The following PEAK1 variants were observed in gnomAD, a reference collection of about 807,000 sequenced individuals.
The protein encoded by PEAK1 is inactive tyrosine-protein kinase PEAK1.
A neutral mutation model predicts 124.7 loss-of-function variants in PEAK1; 54 were observed. The observed-to-expected ratio is 0.43, with a 90% CI of 0.35 to 0.54. The LOEUF is 0.54. PEAK1 is among the 20% of genes least tolerant of loss of function. The pLI, the probability that PEAK1 is intolerant of heterozygous loss-of-function variation, is 0.01. For synonymous variants in PEAK1, 719 were observed against 760.0 expected (o/e 0.95, Z 0.89); for missense variants, 2,046 against 2,134.5 (o/e 0.96, Z 0.82).
Position 77,174,999 on chromosome 15 carries a change from G to C in PEAK1, c.3137+3791C>G, listed in dbSNP as rs1018594315. ...CAAACCTGAGAAAAACAAGCAATGG[G>C]GAAAGGATTCCCTATTTAATAAATG... On this transcript the variant is annotated intron_variant, in intron 7 of 9. Coordinates refer to ENST00000682557, the MANE Select transcript of PEAK1 (RefSeq NM_001385026.1). Among the ~76,000 whole-genome samples the C allele has an allele frequency of 4.0e-5, 6 of 151,050 alleles. No homozygotes were observed. The South Asian group carries it at 1.3e-3, about 32-fold the overall frequency.
At chr15:77,338,116 T>A (rs2066309839) in intron 2 of PEAK1, 1 of 983,840 alleles carries the variant, frequency 1.0e-6, no homozygotes, top group Non-Finnish European at 1.2e-6. Context: ...GCAATGATAA[T>A]CAAATCAGCA....
chr15:77,419,657 C>G, intron 1 of PEAK1: 3 of 985,212 alleles, frequency 3.0e-6, no homozygotes, highest in Non-Finnish European at 3.6e-6. Context: ...CGCAACCTCC[C>G]AGCCGCGCCC....
rs556459431 is a variant in PEAK1 at position 77,179,306 on chromosome 15, C to A, written c.2621G>T (p.Arg874Leu). 6.2e-7 allele frequency: 1 copy of A among 1,613,802 alleles called. No individual in the cohort carries two copies. The highest frequency in any genetic ancestry group is 1.3e-5 in the African/African-American group (1 of 74,916). The change falls in exon 7 of 10, where the codon CGC (arginine) becomes CTC (leucine). Residue 874 changes from arginine to leucine, a missense_variant. By Grantham distance (102) the Arg-to-Leu change is moderately radical. Coordinates refer to ENST00000682557, the MANE Select transcript of PEAK1 (RefSeq NM_001385026.1). ...SEPPAPFPPPRSTSSPYHAGN... is the reference protein window; with the variant it reads ...SEPPAPFPPPLSTSSPYHAGN... ...TGCATGGTAAGGAGAAGAAGTAGAG[C>A]GTGGCGGGGGAAAGGGAGCTGGTGG...
At chr15:77,335,409 A>G in intron 2 of PEAK1, 1 of 985,352 alleles carries the variant, frequency 1.0e-6, no homozygotes. Flanking sequence ...GGGTGAAGAT[A>G]GGAAACTTTT....
intron 5 of PEAK1, among the ~76,000 whole-genome samples, chr15:77,262,719 G>C (rs537438490): frequency 1.3e-5 from 2 of 151,200 alleles, no homozygotes; most frequent in East Asian, 3.9e-4. Context: ...ACAAGGATAC[G>C]CAGGAATTGA....
chr15:77,177,120 C>A (rs2056932220), intron 7 of PEAK1, among the ~76,000 whole-genome samples: 1 of 152,102 alleles, frequency 6.6e-6, no homozygotes, highest in South Asian at 2.1e-4. Flanking sequence ...CCACACCCAG[C>A]TCATTTTGTA....
intron 9 of PEAK1, among the ~76,000 whole-genome samples, chr15:77,124,520 G>T (rs969948297): frequency 1.3e-5 from 2 of 152,148 alleles, no homozygotes; most frequent in Admixed American, 6.5e-5. Flanking sequence ...TAGCATCACT[G>T]CCCTAATCCC....
intron 9 of PEAK1, among the ~76,000 whole-genome samples, chr15:77,119,364 C>T (rs962354335): frequency 2.0e-5 from 3 of 152,164 alleles, no homozygotes; most frequent in Non-Finnish European, 1.5e-5. Context: ...AAACTGGCTG[C>T]TTGTCTGGGT....
At position 77,181,060 on chromosome 15, in the gene PEAK1, T is replaced by A. The variant is rs1264313082; in HGVS notation, c.867A>T (p.Lys289Asn). 2 of 1,614,206 alleles carry A rather than the reference T, an allele frequency of 1.2e-6. No individual in the cohort carries two copies. Among genetic ancestry groups the A allele is most frequent in the Non-Finnish European group, 1.7e-6 (2 of 1,180,010 alleles). The stretch of plus-strand genomic sequence containing the variant: ...TTCGCAGGGGGATGGTATTCCATTT[T>A]TTGTCCACAAAGAATCGAACAGGAG... ...TLSPVRFFVD[K>N]KWNTIPLRNK... is the part of the protein sequence containing the mutation. The change falls in exon 7 of 10, where the codon AAA becomes AAT. Residue 289 changes from lysine (K) to asparagine (N), a missense_variant. Transcript: ENST00000682557.
At chr15:77,313,678 G>GTATATATATA (rs1567244696) in intron 2 of PEAK1, among the ~76,000 whole-genome samples, 3 of 118,534 alleles carry the variant, frequency 2.5e-5, no homozygotes, top group African/African-American at 1.2e-4. Flanking sequence ...GTGTGTGTGT[G>GTATATATATA]TGTGTGTGTG....
At chr15:77,142,299 A>G (rs545247297) in intron 8 of PEAK1, among the ~76,000 whole-genome samples, 1 of 152,356 alleles carries the variant, frequency 6.6e-6, no homozygotes, top group South Asian at 2.1e-4. Context: ...AGCTGTAATA[A>G]AACACACAGG....
chr15:77,419,608 GC>G, intron 1 of PEAK1: 3 of 985,028 alleles, frequency 3.0e-6, no homozygotes, highest in Non-Finnish European at 3.6e-6. Flanking sequence ...TCCTGCCCCG[GC>G]CTCCCCGCGT....
At chr15:77,170,082 G>A (rs2056403242) in intron 7 of PEAK1, among the ~76,000 whole-genome samples, 1 of 152,058 alleles carries the variant, frequency 6.6e-6, no homozygotes, top group African/African-American at 2.4e-5. Flanking sequence ...AGCTACTAGG[G>A]TTTAAAGAAC....
intron 1 of PEAK1, among the ~76,000 whole-genome samples, chr15:77,366,592 G>C (rs2068255698): frequency 6.6e-6 from 1 of 152,006 alleles, no homozygotes; most frequent in African/African-American, 2.4e-5. Context: ...ATCTCACTCT[G>C]TCACCTAGGC....
intron 1 of PEAK1, chr15:77,418,967 C>A (rs952655424): frequency 4.1e-6 from 4 of 985,178 alleles, no homozygotes; most frequent in Non-Finnish European, 4.8e-6. Context: ...ATGTAAGTCT[C>A]TAAGTATTTA....
At chr15:77,370,657 T>A in intron 1 of PEAK1, 1 of 973,162 alleles carries the variant, frequency 1.0e-6, no homozygotes, top group Non-Finnish European at 1.2e-6. Context: ...ACAGATTTAA[T>A]GTGCTGATCA....
intron 6 of PEAK1, among the ~76,000 whole-genome samples, chr15:77,213,611 C>T (rs1216461694): frequency 2.6e-5 from 4 of 152,058 alleles, no homozygotes; most frequent in African/African-American, 9.7e-5. Context: ...CTCGCTTGAA[C>T]CTAGGTGGCA....
rs116718386 is a variant in PEAK1, at chr15:77,295,954, C to T, written c.-602-9450G>A. Among the ~76,000 whole-genome samples, 960 of 152,164 alleles carry T rather than the reference C, an allele frequency of 6.3e-3. 13 individuals carry two copies. Among genetic ancestry groups the T allele is most frequent in the African/African-American group, 0.022 (910 of 41,516 alleles). On this transcript the variant is annotated intron_variant, in intron 2 of 9. Transcript: ENST00000682557. ...TACCTGGAATAAGCAAGAAATGATACGTCAATGTGCTGATGTTTCTAAAAT... is the reference window on the plus strand; with the variant it reads ...TACCTGGAATAAGCAAGAAATGATATGTCAATGTGCTGATGTTTCTAAAAT...
chr15:77,282,397 T>G (rs1472833961), intron 5 of PEAK1, among the ~76,000 whole-genome samples: 1 of 152,220 alleles, frequency 6.6e-6, no homozygotes, highest in Non-Finnish European at 1.5e-5. Context: ...TCAACATGAC[T>G]CATTAAAAAA....
Sources: gnomAD v4.1 joint callset for allele counts (sites outside exome capture counted in the v4.1 genomes callset) on GRCh38, gnomAD v4.1.1 for gene constraint, MANE v1.5 for transcripts, NCBI Gene and HGNC (gene_info 2026-07-23, HGNC 2026-07-21) for gene names.